Variants in CCDC57 observed in about 807,000 individuals in gnomAD.
CCDC57 encodes coiled-coil domain containing 57.
Under a neutral mutation model 118.9 loss-of-function variants are expected in CCDC57, and 118 were observed. That is an observed-to-expected ratio of 0.99 (90% CI 0.86 to 1.16). The LOEUF is 1.16. Among genes scored for constraint, CCDC57 ranks in the 50% most tolerant of loss-of-function variants. The pLI is 0.00. For missense variants in CCDC57, 1,300 were observed against 1,320.7 expected (o/e 0.98, Z 0.24); for synonymous variants, 527 against 532.9 (o/e 0.99, Z 0.15).
intron 16 of CCDC57, among the ~76,000 whole-genome samples, chr17:82,135,942 G>T (rs1351805277): frequency 1.3e-5 from 2 of 152,046 alleles, no homozygotes; most frequent in Admixed American, 6.5e-5. Flanking sequence ...AGTTTTTAAA[G>T]ATATGCAATA....
At chr17:82,181,014 C>T (rs1201799015) in intron 9 of CCDC57, among the ~76,000 whole-genome samples, 3 of 152,230 alleles carry the variant, frequency 2.0e-5, no homozygotes, top group Non-Finnish European at 2.9e-5. Context: ...CAGGCCATTC[C>T]GGATCCCCGC....
intron 19 of CCDC57, among the ~76,000 whole-genome samples, chr17:82,104,069 C>T (rs570688693): frequency 1.1e-3 from 173 of 152,326 alleles, no homozygotes; most frequent in Middle Eastern, 3.4e-3. Context: ...AAGGCGGCTG[C>T]CCCAGGCGTG....
At chr17:82,188,051 C>CAA (rs11346964) in intron 8 of CCDC57, among the ~76,000 whole-genome samples, 168 bp downstream of exon 7, 18 of 124,410 alleles carry the variant, frequency 1.4e-4, no homozygotes, top group Non-Finnish European at 2.1e-4. Context: ...AAAGAAAAGG[C>CAA]AAAAAAAAAA....
intron 16 of CCDC57, among the ~76,000 whole-genome samples, chr17:82,149,363 ACACT>A (rs1207005130): frequency 1.3e-5 from 2 of 151,956 alleles, no homozygotes; most frequent in Non-Finnish European, 2.9e-5. Flanking sequence ...ACTCACTGAA[ACACT>A]CAGTCATAAA....
chr17:82,151,731 C>A lies in CCDC57; in HGVS notation c.2284G>T (p.Glu762Ter). ...ACTGACCGGAGGTGCAGGAAAAGCT[C>A]CCCCTGGTCCTCGGCCTCCATAGGC... Residue 762 changes from glutamate to a stop codon, truncating the protein, a stop_gained, in exon 16 of 20, where the codon GAG (glutamate) becomes TAG (stop). Coordinates refer to ENST00000665763, the Ensembl canonical transcript of CCDC57. LOFTEE classifies it high-confidence loss of function. The A allele has an allele frequency of 6.5e-7, 1 of 1,550,326 alleles. No homozygotes were observed. Among genetic ancestry groups the A allele is most frequent in the East Asian group, 2.4e-5 (1 of 40,922 alleles).
At position 82,128,387 on chromosome 17, in the gene CCDC57, C is replaced by G. The variant is rs2037796932; in HGVS notation, c.2682+106G>C. 4.2e-6 allele frequency: 3 copies of G among 711,136 alleles called. No homozygotes were observed. In the East Asian group the frequency reaches 8.1e-5, roughly 19 times the overall value. 44.1% of individuals were successfully genotyped at this position (711,136 alleles called of 1,614,324 possible). ...TCCCTGATGACGGCACAAAGGCAGG[C>G]ATGCAGAGCGAAGGCCCCTCCGAGA... On this transcript the variant is annotated intron_variant, in intron 18 of 19. Transcript: ENST00000665763.
At chr17:82,179,180 T>A (rs1040348007) in exon 10 of CCDC57, 1 of 1,613,510 alleles carries the variant, frequency 6.2e-7, no homozygotes. Flanking sequence ...GGGACAGCTG[T>A]TGCTTGTACC....
rs1489033065 is a variant in CCDC57 at position 82,198,351 on chromosome 17, AG to A, written c.478del (p.Glu161ArgfsTer36). The A allele has an allele frequency of 1.2e-6, 2 of 1,613,500 alleles. No individual in the cohort carries two copies. The highest frequency in any genetic ancestry group is 2.7e-5 in the African/African-American group (2 of 74,846). ...AGCAAGCTCACCGTCGAGCTCCTCA[AG>A]TTTTCTCTCCAGTGTCCATTTTAGA... is the stretch of plus-strand genomic sequence containing the variant. On this transcript the variant is annotated frameshift_variant, in exon 4 of 20. Transcript: ENST00000665763. LOFTEE classifies it high-confidence loss of function.
intron 17 of CCDC57, among the ~76,000 whole-genome samples, chr17:82,131,925 G>A (rs1390935879): frequency 6.6e-6 from 1 of 151,956 alleles, no homozygotes; most frequent in East Asian, 1.9e-4. Flanking sequence ...AGGCCAGCCT[G>A]GGCAACATGG....
chr17:82,193,686 A>T (rs2047951928), intron 7 of CCDC57, 70 bp downstream of exon 6: 1 of 1,405,478 alleles, frequency 7.1e-7, no homozygotes, highest in South Asian at 1.2e-5. Context: ...CCATCAGCAC[A>T]ATGGTTCCAC....
chr17:82,126,307 G>C, intron 19 of CCDC57: 1 of 747,062 alleles, frequency 1.3e-6, no homozygotes, highest in Non-Finnish European at 1.6e-6. Flanking sequence ...AAACAGACAA[G>C]ATAAAAAACA....
chr17:82,130,354 C>T (rs1388111386), intron 17 of CCDC57, among the ~76,000 whole-genome samples: 9 of 149,956 alleles, frequency 6.0e-5, no homozygotes, highest in East Asian at 2.0e-4. Flanking sequence ...CCCCCATGCC[C>T]GACTAAGTTT....
At chr17:82,190,991 C>T (rs1360837967) in intron 7 of CCDC57, among the ~76,000 whole-genome samples, 1 of 151,860 alleles carries the variant, frequency 6.6e-6, no homozygotes, top group African/African-American at 2.4e-5. Flanking sequence ...CGGAAGCCAT[C>T]CAGCCCAAAT....
At chr17:82,206,089 G>T (rs551917045) in intron 2 of CCDC57, among the ~76,000 whole-genome samples, 2 of 152,354 alleles carry the variant, frequency 1.3e-5, no homozygotes, top group South Asian at 4.1e-4. Context: ...TCCGGGTTGG[G>T]GAGCGGCAGG....
chr17:82,134,050 T>C, intron 17 of CCDC57, 23 bp downstream of exon 16: 1 of 1,362,540 alleles, frequency 7.3e-7, no homozygotes, highest in Non-Finnish European at 9.5e-7. Context: ...TAAAAATGCA[T>C]GTCTTAGATG....
chr17:82,191,496 C>T (rs1185558375), intron 7 of CCDC57, among the ~76,000 whole-genome samples: 1 of 152,118 alleles, frequency 6.6e-6, no homozygotes, highest in Non-Finnish European at 1.5e-5. Context: ...GTATTTCTGT[C>T]AAGTTACACC....
chr17:82,139,727 C>T (rs1286811469), intron 16 of CCDC57, among the ~76,000 whole-genome samples: 1 of 152,096 alleles, frequency 6.6e-6, no homozygotes, highest in Non-Finnish European at 1.5e-5. Flanking sequence ...TGAACAGGGA[C>T]TGTCTCAGAG....
intron 19 of CCDC57, among the ~76,000 whole-genome samples, chr17:82,125,933 C>T (rs11657069): frequency 0.53 from 80,786 of 151,244 alleles, 22,335 homozygotes; most frequent in Non-Finnish European, 0.58. Context: ...TCCGAATATG[C>T]GGGAAGTGTG....
chr17:82,150,870 C>T (rs2041884427), intron 16 of CCDC57, among the ~76,000 whole-genome samples: 1 of 116,710 alleles, frequency 8.6e-6, no homozygotes. Flanking sequence ...CACCCAGAAC[C>T]TGGTGCACAC....
Sources: gnomAD v4.1 joint callset for allele counts (sites outside exome capture counted in the v4.1 genomes callset) on GRCh38, gnomAD v4.1.1 for gene constraint, MANE v1.5 for transcripts, NCBI Gene and HGNC (gene_info 2026-07-23, HGNC 2026-07-21) for gene names.